GPC5: variants seen among roughly 807,000 people sequenced by gnomAD.
The protein encoded by GPC5 is glypican-5.
GPC5 carries 47 observed loss-of-function variants against 53.9 expected under a neutral mutation model. The observed-to-expected ratio is 0.87, with a 90% CI of 0.69 to 1.11. The LOEUF (loss-of-function observed/expected upper bound fraction) is 1.11, where lower values mean the gene tolerates loss of function less well. Ranked by LOEUF, GPC5 falls within the 50% of genes most tolerant of loss-of-function variation. GPC5 has a pLI of 0.00. For missense variants in GPC5, 748 were observed against 713.1 expected (o/e 1.05, Z -0.56); for synonymous variants, 286 against 263.3 (o/e 1.09, Z -0.84).
At position 92,107,147 on chromosome 13, in the gene GPC5, G is replaced by T. The variant is rs1169095784; in HGVS notation, c.1402-37683G>T. ...CGTTTTTCAGTTGGTGACAGTGTCAGAAATGAATTAAAATTAAGTGAAGAA... is the reference window on the plus strand; with the variant it reads ...CGTTTTTCAGTTGGTGACAGTGTCATAAATGAATTAAAATTAAGTGAAGAA... On this transcript the variant is annotated intron_variant, in intron 6 of 7. Coordinates refer to ENST00000377067, the MANE Select transcript of GPC5 (RefSeq NM_004466.6). Among the ~76,000 whole-genome samples the T allele has an allele frequency of 2.0e-4, 30 of 152,010 alleles. 1 individual carries two copies. Among genetic ancestry groups the T allele is most frequent in the Non-Finnish European group, 2.9e-5 (2 of 67,956 alleles).
At chr13:91,464,748 C>T (rs1882132864) in intron 2 of GPC5, among the ~76,000 whole-genome samples, 1 of 152,078 alleles carries the variant, frequency 6.6e-6, no homozygotes, top group South Asian at 2.1e-4. Context: ...TGGAACAGTT[C>T]TGTGTCTTGA....
At chr13:91,522,758 A>G (rs1192704929) in intron 2 of GPC5, among the ~76,000 whole-genome samples, 2 of 152,130 alleles carry the variant, frequency 1.3e-5, no homozygotes, top group East Asian at 1.9e-4. Flanking sequence ...GAGTGAGAAC[A>G]TGTGGTGTTT....
At chr13:91,821,421 T>G (rs763726956) in intron 5 of GPC5, among the ~76,000 whole-genome samples, 1 of 152,216 alleles carries the variant, frequency 6.6e-6, no homozygotes, top group Non-Finnish European at 1.5e-5. Flanking sequence ...TTCCCCACTT[T>G]TTTCAATCCT....
intron 7 of GPC5, among the ~76,000 whole-genome samples, chr13:92,814,090 A>G (rs929187083): frequency 2.0e-5 from 3 of 152,048 alleles, no homozygotes; most frequent in Non-Finnish European, 4.4e-5. Flanking sequence ...TGGTCAATTG[A>G]TTTGTAATGA....
intron 7 of GPC5, among the ~76,000 whole-genome samples, chr13:92,753,767 G>A (rs937498054): frequency 4.0e-5 from 6 of 151,724 alleles, no homozygotes; most frequent in Non-Finnish European, 7.4e-5. Flanking sequence ...AGCGAGAAGG[G>A]AAGTTTAGAA....
At chr13:92,534,925 C>T (rs902669117) in intron 7 of GPC5, among the ~76,000 whole-genome samples, 1 of 152,162 alleles carries the variant, frequency 6.6e-6, no homozygotes, top group Non-Finnish European at 1.5e-5. Context: ...TATTAGTTTT[C>T]AGTTGTACTT....
chr13:92,319,555 GT>G (rs1031420537), intron 7 of GPC5, among the ~76,000 whole-genome samples: 9 of 151,994 alleles, frequency 5.9e-5, no homozygotes, highest in African/African-American at 1.9e-4. Context: ...ACCTACACAG[GT>G]TGTCTGGCAC....
intron 7 of GPC5, among the ~76,000 whole-genome samples, chr13:92,832,134 A>G (rs1163731747): frequency 6.6e-6 from 1 of 152,212 alleles, no homozygotes; most frequent in South Asian, 2.1e-4. Flanking sequence ...AATTTTAATG[A>G]TGGTCTAGAT....
At chr13:91,770,408 A>G (rs2037601058) in intron 5 of GPC5, among the ~76,000 whole-genome samples, 1 of 152,186 alleles carries the variant, frequency 6.6e-6, no homozygotes, top group African/African-American at 2.4e-5. Flanking sequence ...GGAGAATGGA[A>G]AGTCAACCTG....
intron 5 of GPC5, among the ~76,000 whole-genome samples, chr13:91,773,630 T>C (rs1418731565): frequency 6.6e-6 from 1 of 152,234 alleles, no homozygotes. Context: ...AGTTTCAATA[T>C]GATCTGGTTC....
chr13:92,282,398 G>T (rs1039821519), intron 7 of GPC5, among the ~76,000 whole-genome samples: 1 of 151,974 alleles, frequency 6.6e-6, no homozygotes, highest in African/African-American at 2.4e-5. Flanking sequence ...TACGGAGAAC[G>T]CCACAAAGAT....
chr13:91,721,113 CT>C, intron 3 of GPC5, among the ~76,000 whole-genome samples: 1 of 101,212 alleles, frequency 9.9e-6, no homozygotes, highest in African/African-American at 3.7e-5. Context: ...TTCTTTCTTT[CT>C]TTCTTTCTTT....
At chr13:91,985,698 G>T (rs1459029909) in intron 6 of GPC5, among the ~76,000 whole-genome samples, 1 of 152,068 alleles carries the variant, frequency 6.6e-6, no homozygotes, top group African/African-American at 2.4e-5. Context: ...AACAATCCAA[G>T]AAACTTTCTA....
At chr13:91,610,713 C>A (rs1295257459) in intron 2 of GPC5, among the ~76,000 whole-genome samples, 1 of 152,114 alleles carries the variant, frequency 6.6e-6, no homozygotes, top group African/African-American at 2.4e-5. Flanking sequence ...AGTATCATCC[C>A]AAATCTGGAA....
chr13:91,756,317 C>A lies in GPC5; in HGVS notation c.1177C>A (p.Leu393Met). 6.5e-7 allele frequency: 1 copy of A among 1,549,584 alleles called. No individual in the cohort carries two copies. The highest frequency in any genetic ancestry group is 8.8e-7 in the Non-Finnish European group (1 of 1,136,938). Reference protein sequence around the residue: ...RRKEFINSLRLYRSFYGGLAD... With the variant: ...RRKEFINSLRMYRSFYGGLAD... ...TAGAGAATTTATCAACAGCCTTCGA[C>A]TGTACAGGTCATTCTATGGAGGTCT... The change falls in exon 5 of 8, where the codon CTG becomes ATG. Residue 393 changes from leucine (L) to methionine (M), a missense_variant. By Grantham distance (15) the Leu-to-Met change is conservative. Transcript: ENST00000377067.
intron 2 of GPC5, among the ~76,000 whole-genome samples, chr13:91,643,895 C>CA (rs955254855): frequency 2.6e-5 from 4 of 152,024 alleles, no homozygotes; most frequent in African/African-American, 9.7e-5. Context: ...ACCCTGTTTG[C>CA]AAAAAGGTCA....
intron 2 of GPC5, among the ~76,000 whole-genome samples, chr13:91,627,855 T>C (rs987636228): frequency 3.9e-5 from 6 of 152,164 alleles, no homozygotes; most frequent in Admixed American, 3.9e-4. Flanking sequence ...AATAGTATTC[T>C]TCAATATCAA....
intron 7 of GPC5, among the ~76,000 whole-genome samples, chr13:92,817,969 C>CTGGGTAA (rs1215796489): frequency 6.6e-6 from 1 of 150,768 alleles, no homozygotes; most frequent in Non-Finnish European, 1.5e-5. Flanking sequence ...AACTTTCCAC[C>CTGGGTAA]TGGGTAATGG....
chr13:92,696,419 GT>G (rs1210678650), intron 7 of GPC5, among the ~76,000 whole-genome samples: 1 of 152,128 alleles, frequency 6.6e-6, no homozygotes. Context: ...TCTCACTGTG[GT>G]TTTGATTTGC....
Sources: allele counts gnomAD v4.1 joint callset (sites outside exome capture counted in the v4.1 genomes callset), GRCh38; gene constraint gnomAD v4.1.1; transcripts MANE v1.5; gene names NCBI Gene and HGNC (gene_info 2026-07-23, HGNC 2026-07-21).